The following MNAT1 variants were observed in gnomAD, a reference collection of about 807,000 sequenced individuals.
The protein encoded by MNAT1 is MNAT1 component of CDK activating kinase.
In MNAT1, 43 loss-of-function variants were observed where a neutral mutation model predicts 42.0. That is an observed-to-expected ratio of 1.02 (90% CI 0.80 to 1.32). The LOEUF (loss-of-function observed/expected upper bound fraction) is 1.32. MNAT1 is among the 40% of genes most tolerant of loss of function. The probability of loss-of-function intolerance (pLI) is 0.00; values close to 1 mark genes in which losing one functional copy is unlikely to be tolerated. For synonymous variants in MNAT1, 118 were observed against 120.0 expected (o/e 0.98, Z 0.11); for missense variants, 306 against 350.4 (o/e 0.87, Z 1.01).
In MNAT1 at chr14:60,941,123, G is replaced by A. The variant is rs143232141; in HGVS notation, c.810-27106G>A. The stretch of plus-strand genomic sequence containing the variant: ...TTATTTCTAGTTTTTATGGTTTTTA[G>A]TGATTATGTGGTATTTAAATAATAA... On this transcript the variant is annotated intron_variant, in intron 7 of 7. Coordinates refer to ENST00000261245, the MANE Select transcript of MNAT1 (RefSeq NM_002431.4). 3.1e-4 allele frequency among the ~76,000 whole-genome samples: 47 copies of A among 152,196 alleles called. No homozygotes were observed. In the East Asian group the frequency reaches 8.5e-3, roughly 27 times the overall value.
chr14:60,851,973 C>T (rs939357423), intron 6 of MNAT1, among the ~76,000 whole-genome samples: 1 of 152,094 alleles, frequency 6.6e-6, no homozygotes, highest in Non-Finnish European at 1.5e-5. Context: ...TGGGTTGGTT[C>T]CAAGTCTTTG....
chr14:60,757,143 T>C (rs1419031576), intron 1 of MNAT1, among the ~76,000 whole-genome samples: 1 of 152,156 alleles, frequency 6.6e-6, no homozygotes, highest in Non-Finnish European at 1.5e-5. Flanking sequence ...CACAGAGTAC[T>C]AAGAAGCTAA....
At chr14:60,765,866 A>G (rs992916164) in intron 1 of MNAT1, among the ~76,000 whole-genome samples, 1 of 152,176 alleles carries the variant, frequency 6.6e-6, no homozygotes, top group Admixed American at 6.5e-5. Flanking sequence ...AAAGTGTAGA[A>G]TCCTCAAAAT....
intron 1 of MNAT1, among the ~76,000 whole-genome samples, chr14:60,793,494 C>G (rs2031896345): frequency 6.6e-6 from 1 of 152,116 alleles, no homozygotes; most frequent in Non-Finnish European, 1.5e-5. Flanking sequence ...TCCTGAGTAG[C>G]TAGGACTACA....
At chr14:60,801,547 C>G (rs1242230234) in intron 3 of MNAT1, among the ~76,000 whole-genome samples, 1 of 152,120 alleles carries the variant, frequency 6.6e-6, no homozygotes, top group Non-Finnish European at 1.5e-5. Flanking sequence ...AGACATTTCT[C>G]AAAAGAAGAC....
chr14:60,887,292 G>C (rs920464270), intron 7 of MNAT1, among the ~76,000 whole-genome samples: 1 of 151,348 alleles, frequency 6.6e-6, no homozygotes, highest in Admixed American at 6.6e-5. Flanking sequence ...ACAATGTGCA[G>C]GTTAGTTACA....
In MNAT1 at chr14:60,879,036, GT is replaced by G. The variant is rs879338805; in HGVS notation, c.688-665del. Among the ~76,000 whole-genome samples, 1,005 of 146,616 alleles carry G rather than the reference GT, an allele frequency of 6.9e-3. 15 individuals are homozygous for G. The highest frequency in any genetic ancestry group is 0.019 in the African/African-American group (754 of 40,318). ...TCCTTTTCAATTAGGGCATGAACAAGTTTTTTTTTTTTTCCTCACAAATTGA... is the reference window on the plus strand; with the variant it reads ...TCCTTTTCAATTAGGGCATGAACAAGTTTTTTTTTTTTCCTCACAAATTGA... On this transcript the variant is annotated intron_variant, in intron 6 of 7. Coordinates refer to ENST00000261245, the MANE Select transcript of MNAT1 (RefSeq NM_002431.4).
intron 3 of MNAT1, among the ~76,000 whole-genome samples, chr14:60,800,473 A>G (rs2032166776): frequency 1.3e-5 from 2 of 152,080 alleles, no homozygotes; most frequent in African/African-American, 2.4e-5. Context: ...CTAGGAGTCC[A>G]AGGCTACAGT....
intron 1 of MNAT1, among the ~76,000 whole-genome samples, chr14:60,744,454 A>G (rs1268868846): frequency 6.6e-6 from 1 of 151,984 alleles, no homozygotes; most frequent in Non-Finnish European, 1.5e-5. Context: ...GTTTCTATTG[A>G]CTGCTTTTAT....
chr14:60,785,388 T>C (rs2031615480), intron 1 of MNAT1, among the ~76,000 whole-genome samples: 1 of 152,324 alleles, frequency 6.6e-6, no homozygotes, highest in Middle Eastern at 3.4e-3. Flanking sequence ...CTCAAACTTG[T>C]CTGTTATTTT....
intron 1 of MNAT1, among the ~76,000 whole-genome samples, chr14:60,751,901 C>T (rs2030111399): frequency 6.6e-6 from 1 of 152,000 alleles, no homozygotes; most frequent in Non-Finnish European, 1.5e-5. Flanking sequence ...GCCTCTGCAC[C>T]ACTGATTTAT....
intron 6 of MNAT1, among the ~76,000 whole-genome samples, chr14:60,874,690 A>G (rs925568836): frequency 1.3e-5 from 2 of 152,124 alleles, no homozygotes; most frequent in African/African-American, 4.8e-5. Flanking sequence ...TTAGTATATC[A>G]TGCACTTTGA....
chr14:60,909,589 C>G (rs1315088666), intron 7 of MNAT1, among the ~76,000 whole-genome samples: 1 of 151,900 alleles, frequency 6.6e-6, no homozygotes, highest in Admixed American at 6.6e-5. Flanking sequence ...GAATCCTTTC[C>G]CCATTGCTTG....
At chr14:60,772,038 C>T (rs1207113950) in intron 1 of MNAT1, among the ~76,000 whole-genome samples, 1 of 152,110 alleles carries the variant, frequency 6.6e-6, no homozygotes, top group Non-Finnish European at 1.5e-5. Context: ...CCTTGTTGAA[C>T]ACTTGTTTAG....
chr14:60,811,850 A>G lies in MNAT1; in HGVS notation c.421-137A>G, dbSNP rs370251380. 1.7e-4 allele frequency: 97 copies of G among 572,436 alleles called. No homozygotes were observed. In the East Asian group the frequency reaches 1.9e-3, roughly 11 times the overall value. The allele number at this position is 572,436 out of a possible 1,614,324, so 35.5% of individuals were successfully genotyped here. ...AATAAAGTAAATTCTATTTTCTTCA[A>G]TATGGAATTGCTACATTATTAAATA... On this transcript the variant is annotated intron_variant, in intron 4 of 7. Coordinates refer to ENST00000261245, the MANE Select transcript of MNAT1 (RefSeq NM_002431.4).
At chr14:60,840,378 T>G (rs537255075) in intron 6 of MNAT1, among the ~76,000 whole-genome samples, 7 of 152,224 alleles carry the variant, frequency 4.6e-5, no homozygotes, top group Non-Finnish European at 1.0e-4. Flanking sequence ...TACAGTGTAT[T>G]TCTAAGGAAA....
intron 6 of MNAT1, among the ~76,000 whole-genome samples, chr14:60,826,617 A>T (rs2033065738): frequency 1.3e-5 from 2 of 151,916 alleles, no homozygotes; most frequent in South Asian, 4.1e-4. Context: ...CCGCACCCGG[A>T]CAGAAACTTC....
intron 3 of MNAT1, among the ~76,000 whole-genome samples, 169 bp downstream of exon 3, chr14:60,798,329 C>T (rs1334773723): frequency 6.6e-6 from 1 of 152,100 alleles, no homozygotes; most frequent in Admixed American, 6.5e-5. Context: ...AAATTGAAGG[C>T]ATACTTAAGT....
intron 1 of MNAT1, among the ~76,000 whole-genome samples, chr14:60,771,164 T>C (rs748564696): frequency 6.6e-6 from 1 of 152,200 alleles, no homozygotes; most frequent in Non-Finnish European, 1.5e-5. Context: ...CTATCAGCAG[T>C]ATGGAGGGTT....
Sources: allele counts gnomAD v4.1 joint callset (sites outside exome capture counted in the v4.1 genomes callset), GRCh38; gene constraint gnomAD v4.1.1; transcripts MANE v1.5; gene names NCBI Gene and HGNC (gene_info 2026-07-23, HGNC 2026-07-21).